The following HACE1 variants were observed in gnomAD, a reference collection of about 807,000 sequenced individuals.
The protein encoded by HACE1 is HECT domain and ankyrin repeat containing E3 ubiquitin protein ligase 1.
In HACE1, 73 loss-of-function variants were observed where a neutral mutation model predicts 118.4. That is an observed-to-expected ratio of 0.62 (90% confidence interval 0.51 to 0.75). The LOEUF (loss-of-function observed/expected upper bound fraction) is 0.75. Among genes scored for constraint, HACE1 ranks in the 30% least tolerant of loss-of-function variants. The pLI is 0.00. For synonymous variants in HACE1, 368 were observed against 374.8 expected (o/e 0.98, Z 0.21); for missense variants, 749 against 1,102.2 (o/e 0.68, Z 4.54).
At chr6:104,808,548 A>C (rs1771271650) in intron 7 of HACE1, among the ~76,000 whole-genome samples, 1 of 152,166 alleles carries the variant, frequency 6.6e-6, no homozygotes, top group Non-Finnish European at 1.5e-5. Flanking sequence ...TACCATTCTA[A>C]ATTTAATTGC....
chr6:104,790,180 G>A (rs1238181472), intron 11 of HACE1, among the ~76,000 whole-genome samples: 1 of 151,812 alleles, frequency 6.6e-6, no homozygotes, highest in Non-Finnish European at 1.5e-5. Flanking sequence ...TAAAACAGAT[G>A]GACAGACATT....
chr6:104,791,638 C>CATA lies in HACE1; in HGVS notation c.937_939dup (p.Tyr313dup). 1 of 1,608,580 alleles carries CATA rather than the reference C, an allele frequency of 6.2e-7. No individual in the cohort carries two copies. The highest frequency in any genetic ancestry group is 8.5e-7 in the Non-Finnish European group (1 of 1,175,252). ...CTTAAAAGGCTCTTCATTTGAGCAT[C>CATA]ATAATTGCTAGAGAGGCTGAAAATA... On this transcript the variant is annotated inframe_insertion, in exon 11 of 24. Coordinates refer to ENST00000262903, the MANE Select transcript of HACE1 (RefSeq NM_020771.4).
At chr6:104,799,245 C>A (rs1400281501) in intron 7 of HACE1, among the ~76,000 whole-genome samples, 1 of 152,162 alleles carries the variant, frequency 6.6e-6, no homozygotes, top group Non-Finnish European at 1.5e-5. Context: ...CTTTTGAGTT[C>A]CTCTGTAACA....
intron 8 of HACE1, 50 bp downstream of exon 8, chr6:104,796,879 C>T: frequency 8.6e-7 from 1 of 1,168,230 alleles, no homozygotes; most frequent in Non-Finnish European, 1.3e-6. Context: ...TTTACCATTC[C>T]AGTTTCTATT....
In HACE1 at chr6:104,744,209, C is replaced by A. The variant is rs1433755969; in HGVS notation, c.2464G>T (p.Asp822Tyr). The change falls in exon 22 of 24, where the codon GAC (aspartate) becomes TAC (tyrosine). Residue 822 changes from aspartate (D) to tyrosine (Y), a missense_variant. Physicochemically the swap from Asp to Tyr is radical, Grantham distance 160. Around this residue, in one of 5 missense-constraint regions of HACE1, gnomAD observed 165 missense variants for 229.9 expected, o/e 0.72. Coordinates refer to ENST00000262903, the MANE Select transcript of HACE1 (RefSeq NM_020771.4). ...VIQWFWEVVEDITQEERVLLL... is the reference protein window; with the variant it reads ...VIQWFWEVVEYITQEERVLLL... ...AGAACTCTCTCCTCTTGAGTAATGT[C>A]TTCTACAACTTCCCAGAACCACTAA... is the stretch of plus-strand genomic sequence containing the variant. 5 of 1,600,500 alleles carry A rather than the reference C, an allele frequency of 3.1e-6. No individual in the cohort carries two copies. Among genetic ancestry groups the A allele is most frequent in the African/African-American group, 1.4e-5 (1 of 72,022 alleles).
At chr6:104,746,611 C>G (rs1777456310) in intron 20 of HACE1, among the ~76,000 whole-genome samples, 1 of 152,216 alleles carries the variant, frequency 6.6e-6, no homozygotes, top group Admixed American at 6.5e-5. Context: ...CACAGTAATT[C>G]CTCTACCTGT....
intron 19 of HACE1, among the ~76,000 whole-genome samples, chr6:104,758,409 A>C (rs1778957900): frequency 6.6e-6 from 1 of 152,212 alleles, no homozygotes; most frequent in Admixed American, 6.5e-5. Flanking sequence ...ATTCTTAAAG[A>C]AAAGAATTTT....
intron 17 of HACE1, 43 bp from the exon 18 acceptor site, chr6:104,772,117 A>C: frequency 1.8e-6 from 2 of 1,110,082 alleles, no homozygotes; most frequent in Non-Finnish European, 2.7e-6. Context: ...AAGAATCTAT[A>C]TGCAGAAGAA....
At chr6:104,730,997 T>C (rs1562241798) in intron 22 of HACE1, 1 of 158,424 alleles carries the variant, frequency 6.3e-6, no homozygotes, top group Non-Finnish European at 1.4e-5. Flanking sequence ...GAATATCAAA[T>C]ATATTTTTCA....
At chr6:104,806,709 A>C (rs558023556) in intron 7 of HACE1, among the ~76,000 whole-genome samples, 11 of 152,250 alleles carry the variant, frequency 7.2e-5, no homozygotes, top group African/African-American at 2.6e-4. Flanking sequence ...AGATAGTCTC[A>C]ATTTTTTAAT....
intron 5 of HACE1, among the ~76,000 whole-genome samples, chr6:104,837,084 T>C (rs960749014): frequency 2.6e-5 from 4 of 152,194 alleles, no homozygotes; most frequent in Non-Finnish European, 5.9e-5. Context: ...CAAATTGACC[T>C]ATCAGTTTAA....
intron 1 of HACE1, among the ~76,000 whole-genome samples, chr6:104,858,090 A>AT (rs548533524): frequency 1.1e-4 from 16 of 152,096 alleles, no homozygotes; most frequent in Admixed American, 2.0e-4. Flanking sequence ...GAAATGACAT[A>AT]TTTTTTTCTA....
chr6:104,744,321 T>C, intron 21 of HACE1, 91 bp from the exon 22 acceptor site: 1 of 914,792 alleles, frequency 1.1e-6, no homozygotes, highest in South Asian at 1.3e-5. Flanking sequence ...ATAAAGCACA[T>C]TTTATTCTAC....
intron 19 of HACE1, among the ~76,000 whole-genome samples, chr6:104,766,292 T>C (rs948073304): frequency 6.6e-6 from 1 of 152,108 alleles, no homozygotes; most frequent in African/African-American, 2.4e-5. Context: ...TGGGAGGGTC[T>C]TTTTTCCTTT....
chr6:104,799,553 C>G (rs1271067987), intron 7 of HACE1, among the ~76,000 whole-genome samples: 2 of 152,082 alleles, frequency 1.3e-5, no homozygotes, highest in Non-Finnish European at 2.9e-5. Context: ...ACAGTATTCA[C>G]CCAATTTTTC....
Position 104,785,272 on chromosome 6 carries a change from T to A in HACE1, c.1122A>T (p.Ile374=). 1.2e-6 allele frequency: 2 copies of A among 1,612,562 alleles called. No homozygotes were observed. The highest frequency in any genetic ancestry group is 1.7e-6 in the Non-Finnish European group (2 of 1,178,758). ...TTTTGTTTTTCATCAATTCTGTGGCTATTAAAACTAGCCATTCATCTAACG... is the reference window on the plus strand; with the variant it reads ...TTTTGTTTTTCATCAATTCTGTGGCAATTAAAACTAGCCATTCATCTAACG... ...WHSLDEWLVL[I]ATELMKNKRD... is the part of the protein sequence containing the mutation. Residue 374 remains isoleucine, a synonymous_variant, in exon 12 of 24, where the codon ATA becomes ATT. Coordinates refer to ENST00000262903, the MANE Select transcript of HACE1 (RefSeq NM_020771.4).
At chr6:104,801,345 C>G (rs1770324189) in intron 7 of HACE1, among the ~76,000 whole-genome samples, 1 of 152,120 alleles carries the variant, frequency 6.6e-6, no homozygotes, top group African/African-American at 2.4e-5. Context: ...AGCCAACATT[C>G]AAATTCAGGA....
At chr6:104,749,248 A>C (rs1777774479) in intron 20 of HACE1, among the ~76,000 whole-genome samples, 1 of 152,142 alleles carries the variant, frequency 6.6e-6, no homozygotes, top group Non-Finnish European at 1.5e-5. Context: ...TAGCTCAAAT[A>C]GTCCTCCATT....
intron 14 of HACE1, among the ~76,000 whole-genome samples, chr6:104,778,547 C>A (rs559916348): frequency 6.6e-6 from 1 of 151,836 alleles, no homozygotes; most frequent in Admixed American, 6.6e-5. Context: ...GTAATCCCAG[C>A]ACTTTGGGAG....
Sources: allele counts gnomAD v4.1 joint callset (sites outside exome capture counted in the v4.1 genomes callset), GRCh38; gene constraint gnomAD v4.1.1; regional missense constraint gnomAD v4.1.1; transcripts MANE v1.5; gene names NCBI Gene and HGNC (gene_info 2026-07-23, HGNC 2026-07-21).